The following SPAG16 variants were observed in gnomAD, a reference collection of about 807,000 sequenced individuals.
SPAG16 encodes the protein sperm-associated antigen 16 protein.
Under a neutral mutation model 80.4 loss-of-function variants are expected in SPAG16, and 86 were observed. The observed-to-expected ratio is 1.07, with a 90% CI of 0.90 to 1.28. The LOEUF is 1.28. SPAG16 is among the 50% of genes most tolerant of loss of function. The pLI, the probability that SPAG16 is intolerant of heterozygous loss-of-function variation, is 0.00. For missense variants in SPAG16, 870 were observed against 765.3 expected, an observed-to-expected ratio of 1.14 and a Z score of -1.61; for synonymous variants, 294 against 265.9, an observed-to-expected ratio of 1.11 and a Z score of -1.03.
intron 15 of SPAG16, among the ~76,000 whole-genome samples, chr2:214,155,608 G>A (rs567495295): frequency 6.6e-6 from 1 of 152,068 alleles, no homozygotes; most frequent in African/African-American, 2.4e-5. Flanking sequence ...GAGAAGCTAG[G>A]AAGACAGACA....
chr2:213,490,262 G>A (rs187382958), intron 10 of SPAG16, among the ~76,000 whole-genome samples, 172 bp downstream of exon 10: 3 of 152,164 alleles, frequency 2.0e-5, no homozygotes, highest in Admixed American at 2.0e-4. Flanking sequence ...AAAAGTAATT[G>A]GTTTAAGCAC....
chr2:214,098,025 C>T (rs909275296), intron 13 of SPAG16, among the ~76,000 whole-genome samples: 8 of 152,100 alleles, frequency 5.3e-5, no homozygotes, highest in Admixed American at 1.3e-4. Context: ...CAAGTAGTTT[C>T]GCTCCAGACA....
At chr2:213,752,426 C>T (rs138297038) in intron 10 of SPAG16, among the ~76,000 whole-genome samples, 120 of 152,238 alleles carry the variant, frequency 7.9e-4, no homozygotes, top group African/African-American at 2.6e-3. Flanking sequence ...TTCTTTCCTC[C>T]ACTTCTGTGT....
At chr2:213,544,692 G>A (rs182752189) in intron 10 of SPAG16, among the ~76,000 whole-genome samples, 29 of 151,754 alleles carry the variant, frequency 1.9e-4, no homozygotes, top group African/African-American at 6.8e-4. Flanking sequence ...CTCCCCCCTC[G>A]TACCCCTGGC....
At chr2:213,949,179 T>TTTGTTTTG (rs1553677654) in intron 12 of SPAG16, among the ~76,000 whole-genome samples, 765 of 36,286 alleles carry the variant, frequency 0.021, 19 homozygotes, top group Non-Finnish European at 0.033. Context: ...GTTTTTTTTT[T>TTTGTTTTG]TTTTTTTTTT....
intron 13 of SPAG16, among the ~76,000 whole-genome samples, chr2:214,062,563 A>G (rs1300751297): frequency 6.6e-6 from 1 of 152,036 alleles, no homozygotes; most frequent in South Asian, 2.1e-4. Flanking sequence ...GGTGAGAACA[A>G]AAACCTTGAA....
At chr2:214,017,291 C>T (rs2047638803) in intron 13 of SPAG16, among the ~76,000 whole-genome samples, 2 of 151,968 alleles carry the variant, frequency 1.3e-5, no homozygotes, top group African/African-American at 4.8e-5. Flanking sequence ...TTTGCTCCTG[C>T]TAATGGAGCG....
intron 12 of SPAG16, among the ~76,000 whole-genome samples, chr2:213,986,859 GT>G (rs2046029841): frequency 9.3e-6 from 1 of 107,866 alleles, no homozygotes; most frequent in African/African-American, 3.6e-5. Flanking sequence ...ACTGAAAACA[GT>G]TTCTAGTCAA....
intron 15 of SPAG16, among the ~76,000 whole-genome samples, chr2:214,323,179 A>G (rs1696224788): frequency 6.6e-6 from 1 of 152,092 alleles, no homozygotes; most frequent in Non-Finnish European, 1.5e-5. Flanking sequence ...TCCTAATATA[A>G]AAAGCCTGTT....
chr2:213,898,969 A>G (rs1164864624), intron 11 of SPAG16, among the ~76,000 whole-genome samples: 1 of 152,188 alleles, frequency 6.6e-6, no homozygotes, highest in Non-Finnish European at 1.5e-5. Flanking sequence ...AAGAAAGAGT[A>G]TCTGTTGCCG....
chr2:213,688,083 A>C (rs2064769992), intron 10 of SPAG16, among the ~76,000 whole-genome samples: 1 of 152,152 alleles, frequency 6.6e-6, no homozygotes, highest in Non-Finnish European at 1.5e-5. Flanking sequence ...TGGTCCAGAA[A>C]GGTGGGGCAG....
chr2:213,834,307 C>A (rs1183792754), intron 10 of SPAG16, among the ~76,000 whole-genome samples: 1 of 152,154 alleles, frequency 6.6e-6, no homozygotes, highest in African/African-American at 2.4e-5. Flanking sequence ...TAGCAAAGCT[C>A]TACATGACAT....
chr2:214,142,306 G>A (rs925801765), intron 14 of SPAG16, among the ~76,000 whole-genome samples: 7 of 151,914 alleles, frequency 4.6e-5, no homozygotes, highest in African/African-American at 1.7e-4. Flanking sequence ...AAATCTTTGA[G>A]ACTCACACTT....
At chr2:214,045,923 G>GT in intron 13 of SPAG16, among the ~76,000 whole-genome samples, 1 of 149,392 alleles carries the variant, frequency 6.7e-6, no homozygotes, top group African/African-American at 2.6e-5. Context: ...CAAAAAGACA[G>GT]TTTTTTGAAA....
chr2:214,079,054 T>G (rs548850908), intron 13 of SPAG16, among the ~76,000 whole-genome samples: 9 of 152,162 alleles, frequency 5.9e-5, no homozygotes, highest in Non-Finnish European at 1.0e-4. Flanking sequence ...TCATGGCACC[T>G]CAGAATCTCT....
chr2:214,294,007 C>T (rs1272278603), intron 15 of SPAG16, among the ~76,000 whole-genome samples: 1 of 152,236 alleles, frequency 6.6e-6, no homozygotes, highest in African/African-American at 2.4e-5. Context: ...TCTGGCTTCC[C>T]TTATCTCTCC....
chr2:213,953,982 T>C (rs1311886089), intron 12 of SPAG16, among the ~76,000 whole-genome samples: 1 of 152,068 alleles, frequency 6.6e-6, no homozygotes, highest in African/African-American at 2.4e-5. Flanking sequence ...TAGATAGATA[T>C]AAATATAATA....
intron 10 of SPAG16, among the ~76,000 whole-genome samples, chr2:213,597,666 C>T (rs981309786): frequency 6.6e-6 from 1 of 151,988 alleles, no homozygotes; most frequent in African/African-American, 2.4e-5. Flanking sequence ...CGCCTTGTTT[C>T]TCCAAAATCT....
chr2:213,486,592 T>C (rs954101460), intron 9 of SPAG16, among the ~76,000 whole-genome samples: 2 of 152,106 alleles, frequency 1.3e-5, no homozygotes, highest in African/African-American at 4.8e-5. Context: ...TTTCCATTTT[T>C]TAAAATGTAA....
Sources: gnomAD v4.1 joint callset for allele counts (sites outside exome capture counted in the v4.1 genomes callset) on GRCh38, gnomAD v4.1.1 for gene constraint, MANE v1.5 for transcripts, NCBI Gene and HGNC (gene_info 2026-07-23, HGNC 2026-07-21) for gene names.